SUPT5H: variants seen among roughly 807,000 people sequenced by gnomAD.
SUPT5H encodes the protein SPT5 homolog, DSIF elongation factor subunit.
In SUPT5H, 24 loss-of-function variants were observed where a neutral mutation model predicts 142.5. That is an observed-to-expected ratio of 0.17 (90% CI 0.12 to 0.24). The LOEUF is 0.24. SUPT5H is among the 10% of genes least tolerant of loss of function. SUPT5H has a pLI of 1.00. For synonymous variants in SUPT5H, 546 were observed against 553.0 expected (o/e 0.99, Z 0.18); for missense variants, 893 against 1,471.8 (o/e 0.61, Z 6.43).
Position 39,459,823 on chromosome 19 carries a change from T to A in SUPT5H, c.556-69T>A, listed in dbSNP as rs539979799. 3.2e-6 allele frequency: 5 copies of A among 1,542,578 alleles called. No individual in the cohort carries two copies. In the South Asian group the frequency reaches 5.6e-5, roughly 17 times the overall value. On this transcript the variant is annotated intron_variant, in intron 9 of 29. Transcript: ENST00000432763. ...CTACTTTATTTTTCTTGCTGCTGTC[T>A]CCTTCCCCCTTTCCTGTGTCCTTTC...
rs2079295001 is a variant in SUPT5H, at chr19:39,469,853, G to C, written c.1375-266G>C. The C allele has an allele frequency of 2.0e-6, 1 of 502,804 alleles. No individual in the cohort carries two copies. The highest frequency in any genetic ancestry group is 1.9e-5 in the African/African-American group (1 of 51,754). The allele number at this position is 502,804 out of a possible 1,614,324, so 31.1% of individuals were successfully genotyped here. On this transcript the variant is annotated intron_variant, in intron 16 of 29. Transcript: ENST00000432763. The surrounding 1 kb of genome is among the most constrained non-coding windows in gnomAD (Gnocchi z 5.1). ...CGGGGGTCCTGTGTCTGAGGGGCAG[G>C]CTCTCTGTGTGGGTATAGGTAGGCA...
rs35811527 is a variant in SUPT5H at position 39,461,832 on chromosome 19, A to T, written c.624+1872A>T. Among the ~76,000 whole-genome samples the T allele has an allele frequency of 7.2e-3, 1,081 of 149,166 alleles. 8 individuals are homozygous for T. The highest frequency in any genetic ancestry group is 0.053 in the East Asian group (275 of 5,148). ...GAGCGAGACTGTCTCAAAAAAAAAAAAAAAAAAATAATAATAATAATAATT... is the reference window on the plus strand; with the variant it reads ...GAGCGAGACTGTCTCAAAAAAAAAATAAAAAAAATAATAATAATAATAATT... On this transcript the variant is annotated intron_variant, in intron 10 of 29. Transcript: ENST00000432763.
chr19:39,459,209 T>G lies in SUPT5H; in HGVS notation c.484T>G (p.Ser162Ala). The G allele has an allele frequency of 3.8e-6, 6 of 1,570,714 alleles. No homozygotes were observed. Among genetic ancestry groups the G allele is most frequent in the Non-Finnish European group, 5.2e-6 (6 of 1,158,298 alleles). Reference sequence around the variant, plus strand: ...GGTGTATGGAGGATCTGATGAGCTCTCAGACGACATCACCCAGCAGCAGCT... The same window carrying G: ...GGTGTATGGAGGATCTGATGAGCTCGCAGACGACATCACCCAGCAGCAGCT... Reference protein sequence around the residue: ...ETVYGGSDELSDDITQQQLLP... With the variant: ...ETVYGGSDELADDITQQQLLP... Residue 162 changes from serine (S) to alanine (A), a missense_variant, in exon 8 of 30, where the codon TCA becomes GCA. Ser to Ala is a moderately conservative substitution (Grantham distance 99). Transcript: ENST00000432763.
intron 28 of SUPT5H, among the ~76,000 whole-genome samples, chr19:39,475,406 A>AAT (rs1555748316): frequency 2.0e-5 from 3 of 150,698 alleles, no homozygotes; most frequent in African/African-American, 7.3e-5. Context: ...AAAAAAAAAA[A>AAT]TGGTGAGTGA....
chr19:39,469,018 C>T lies in SUPT5H; in HGVS notation c.1144-61C>T. On this transcript the variant is annotated intron_variant, in intron 14 of 29. Coordinates refer to ENST00000432763, the MANE Select transcript of SUPT5H (RefSeq NM_001111020.3). This position sits in a 1 kb window ranked among gnomAD's most constrained non-coding sequence, Gnocchi z 5.1. Reference sequence around the variant, plus strand: ...CCTAGGACCCACTCAGCCCACTCAGCTGGGCTGTTGCACTGACCTCGGTCC... The same window carrying T: ...CCTAGGACCCACTCAGCCCACTCAGTTGGGCTGTTGCACTGACCTCGGTCC... 2 of 1,593,334 alleles carry T rather than the reference C, an allele frequency of 1.3e-6. No individual in the cohort carries two copies. The highest frequency in any genetic ancestry group is 2.2e-5 in the South Asian group (2 of 90,322).
intron 13 of SUPT5H, chr19:39,467,958 C>G (rs931969538): frequency 1.3e-5 from 2 of 152,252 alleles, no homozygotes; most frequent in Admixed American, 6.5e-5. Context: ...CTCCCTTACC[C>G]CCCAGCAAGC....
rs1405158635 is a variant in SUPT5H, at chr19:39,458,340, C to T, written c.319+35C>T. 4.5e-6 allele frequency: 7 copies of T among 1,571,562 alleles called. No individual in the cohort carries two copies. Among genetic ancestry groups the T allele is most frequent in the Non-Finnish European group, 5.2e-6 (6 of 1,151,298 alleles). The stretch of plus-strand genomic sequence containing the variant: ...TGAAAAGTGTGATTCCCTGACCTTC[C>T]TCCCATATCCTGACATTTCCTCCTT... On this transcript the variant is annotated intron_variant, in intron 5 of 29. Coordinates refer to ENST00000432763, the MANE Select transcript of SUPT5H (RefSeq NM_001111020.3). The surrounding 1 kb of genome is among the most constrained non-coding windows in gnomAD (Gnocchi z 4.2).
At chr19:39,468,434 C>G in intron 13 of SUPT5H, 2 of 395,194 alleles carry the variant, frequency 5.1e-6, no homozygotes, top group Non-Finnish European at 4.7e-6. Context: ...GGGCACTATT[C>G]TTGGTGAAAT....
At position 39,458,116 on chromosome 19, in the gene SUPT5H, C is replaced by G; in HGVS notation, c.308-178C>G. On this transcript the variant is annotated intron_variant, in intron 4 of 29. Coordinates refer to ENST00000432763, the MANE Select transcript of SUPT5H (RefSeq NM_001111020.3). This position sits in a 1 kb window ranked among gnomAD's most constrained non-coding sequence, Gnocchi z 4.2. ...TACATTTCGGCTTCTCCCCAACCAC[C>G]TGGTGCCTGGCCTTTACTTTTGGTT... The G allele has an allele frequency of 9.0e-7, 1 of 1,115,208 alleles. No individual in the cohort carries two copies. Among genetic ancestry groups the G allele is most frequent in the Non-Finnish European group, 1.3e-6 (1 of 799,852 alleles). 69.1% of individuals were successfully genotyped at this position (1,115,208 alleles called of 1,614,324 possible). A position where few individuals can be genotyped will look rare whatever the true frequency, so the allele number is the denominator to read the frequency against.
intron 3 of SUPT5H, among the ~76,000 whole-genome samples, chr19:39,455,925 CTTTTTTTTTTTTTT>C (rs34762912): frequency 1.3e-4 from 12 of 91,152 alleles, no homozygotes; most frequent in African/African-American, 5.2e-4. Flanking sequence ...CCCGCCTCTT[CTTTTTTTTTTTTTT>C]TTTTTTTTTA....
rs2079310775 is a variant in SUPT5H, at chr19:39,470,930, G to A, written c.1677+407G>A. ...ATCTTGGCTTTGTTGCTCCTGTGCT[G>A]TCTGACCCTGGGCTAGTGACTCACC... On this transcript the variant is annotated intron_variant, in intron 18 of 29. Transcript: ENST00000432763. This position sits in a 1 kb window ranked among gnomAD's most constrained non-coding sequence, Gnocchi z 5.8. Among the ~76,000 whole-genome samples the A allele has an allele frequency of 1.3e-5, 2 of 152,094 alleles. No homozygotes were observed. The highest frequency in any genetic ancestry group is 2.4e-5 in the African/African-American group (1 of 41,394).
chr19:39,448,024 G>A (rs2078974941), intron 2 of SUPT5H, among the ~76,000 whole-genome samples: 1 of 152,108 alleles, frequency 6.6e-6, no homozygotes, highest in African/African-American at 2.4e-5. Flanking sequence ...GGCACCCTGG[G>A]ACACAGAGTT....
chr19:39,474,805 C>T lies in SUPT5H; in HGVS notation c.3024+87C>T. 3 of 1,436,442 alleles carry T rather than the reference C, an allele frequency of 2.1e-6. No individual in the cohort carries two copies. Among genetic ancestry groups the T allele is most frequent in the East Asian group, 2.5e-5 (1 of 40,258 alleles). The allele number at this position is 1,436,442 out of a possible 1,614,324, so 89.0% of individuals were successfully genotyped here. ...AGACAGACCTGTCCCCAGATGGTGACAGCCCAGAGTGGGCAGAGCTGGGAT... is the reference window on the plus strand; with the variant it reads ...AGACAGACCTGTCCCCAGATGGTGATAGCCCAGAGTGGGCAGAGCTGGGAT... On this transcript the variant is annotated intron_variant, in intron 28 of 29. Coordinates refer to ENST00000432763, the MANE Select transcript of SUPT5H (RefSeq NM_001111020.3). The surrounding 1 kb of genome is among the most constrained non-coding windows in gnomAD (Gnocchi z 6.5).
At position 39,464,871 on chromosome 19, in the gene SUPT5H, C is replaced by A; in HGVS notation, c.698C>A (p.Thr233Asn). 1 of 1,614,178 alleles carries A rather than the reference C, an allele frequency of 6.2e-7. No homozygotes were observed. The highest frequency in any genetic ancestry group is 8.5e-7 in the Non-Finnish European group (1 of 1,180,040). ...GYIYVEAYKQ[T>N]HVKQAIEGVG... ...ATCTACGTGGAGGCCTACAAGCAGA[C>A]CCACGTGAAGCAGGCCATTGAGGGG... The change falls in exon 11 of 30, where the codon ACC (threonine) becomes AAC (asparagine). Residue 233 changes from threonine to asparagine, a missense_variant. Around this residue, in one of 6 missense-constraint regions of SUPT5H, gnomAD observed 428 missense variants for 763.5 expected, o/e 0.56. Coordinates refer to ENST00000432763, the MANE Select transcript of SUPT5H (RefSeq NM_001111020.3).
At position 39,474,785 on chromosome 19, in the gene SUPT5H, G is replaced by A. The variant is rs751020011; in HGVS notation, c.3024+67G>A. On this transcript the variant is annotated intron_variant, in intron 28 of 29. Transcript: ENST00000432763. This position sits in a 1 kb window ranked among gnomAD's most constrained non-coding sequence, Gnocchi z 6.5. ...CTTGGTACCCCCTAAACTGGAGACA[G>A]ACCTGTCCCCAGATGGTGACAGCCC... 3 of 1,513,092 alleles carry A rather than the reference G, an allele frequency of 2.0e-6. No homozygotes were observed. The African/African-American group carries it at 4.1e-5, about 21-fold the overall frequency. The allele number at this position is 1,513,092 out of a possible 1,614,324, so 93.7% of individuals were successfully genotyped here.
intron 2 of SUPT5H, among the ~76,000 whole-genome samples, chr19:39,447,885 C>T (rs935276329): frequency 6.6e-6 from 1 of 152,174 alleles, no homozygotes; most frequent in African/African-American, 2.4e-5. Context: ...AAACAGATGA[C>T]AGGGTGATTA....
At chr19:39,457,927 G>A in intron 4 of SUPT5H, 187 bp downstream of exon 4, 1 of 1,090,498 alleles carries the variant, frequency 9.2e-7, no homozygotes, top group South Asian at 1.3e-5. Context: ...TGAGTGGGGG[G>A]TGGGGCCCTG....
chr19:39,453,866 C>T (rs2079052197), intron 3 of SUPT5H, among the ~76,000 whole-genome samples: 2 of 152,222 alleles, frequency 1.3e-5, no homozygotes, highest in African/African-American at 2.4e-5. Context: ...AAGTTCTTAA[C>T]TTTTCTCGTG....
intron 10 of SUPT5H, among the ~76,000 whole-genome samples, chr19:39,464,423 G>A (rs564163202): frequency 1.3e-5 from 2 of 151,976 alleles, no homozygotes; most frequent in South Asian, 4.2e-4. Flanking sequence ...GCAGTGGTGC[G>A]ATCTCAGCTC....
Sources: allele counts gnomAD v4.1 joint callset (sites outside exome capture counted in the v4.1 genomes callset), GRCh38; gene constraint gnomAD v4.1.1; regional missense constraint gnomAD v4.1.1; non-coding constraint Gnocchi (gnomAD v3.1); transcripts MANE v1.5; gene names NCBI Gene and HGNC (gene_info 2026-07-23, HGNC 2026-07-21).